Variants in NXPE4 observed in about 807,000 individuals in gnomAD.
The protein encoded by NXPE4 is neurexophilin and PC-esterase domain family member 4.
A neutral mutation model predicts 33.3 loss-of-function variants in NXPE4; 42 were observed. That is an observed-to-expected ratio of 1.26 (90% CI 0.98 to 1.63). The LOEUF is 1.63. Ranked by LOEUF, NXPE4 falls within the 40% of genes most tolerant of loss-of-function variation. The probability of loss-of-function intolerance (pLI) is 0.00; values close to 1 mark genes in which losing one functional copy is unlikely to be tolerated. For synonymous variants in NXPE4, 253 were observed against 234.9 expected, an observed-to-expected ratio of 1.08 and a Z score of -0.71; for missense variants, 709 against 647.6, an observed-to-expected ratio of 1.09 and a Z score of -1.03.
the NXPE4 span, among the ~76,000 whole-genome samples, chr11:114,676,933 A>G: frequency 6.6e-6 from 1 of 152,186 alleles, no homozygotes; most frequent in Non-Finnish European, 1.5e-5. Flanking sequence ...GCTCAGCCTT[A>G]AAAAAGAAGG....
chr11:114,583,360 C>T (rs139848280), intron 2 of NXPE4: 105 of 619,620 alleles, frequency 1.7e-4, no homozygotes, highest in Middle Eastern at 1.4e-3. Context: ...ACTGAATCTG[C>T]GTGACTCATA....
At chr11:114,627,278 G>C in the NXPE4 span, among the ~76,000 whole-genome samples, 1 of 151,938 alleles carries the variant, frequency 6.6e-6, no homozygotes. Context: ...AGAAAGGTCG[G>C]GTTACCCTCA....
chr11:114,588,924 T>G (rs190690774), intron 2 of NXPE4, among the ~76,000 whole-genome samples: 4 of 152,060 alleles, frequency 2.6e-5, no homozygotes, highest in Non-Finnish European at 1.5e-5. Context: ...TAGGGCCAGA[T>G]AGCATTTTGG....
intron 2 of NXPE4, among the ~76,000 whole-genome samples, chr11:114,586,328 T>C (rs764096023): frequency 4.6e-5 from 7 of 152,124 alleles, no homozygotes; most frequent in Non-Finnish European, 5.9e-5. Flanking sequence ...AGATGAAAAA[T>C]GCCATTTCAT....
chr11:114,628,839 T>C, the NXPE4 span, among the ~76,000 whole-genome samples: 2 of 151,600 alleles, frequency 1.3e-5, no homozygotes, highest in African/African-American at 4.9e-5. Flanking sequence ...ATAAAGGGGA[T>C]ATCACCACCG....
At chr11:114,596,369 CAGT>C (rs780366386), upstream of NXPE4, among the ~76,000 whole-genome samples, 1 of 152,220 alleles carries the variant, frequency 6.6e-6, no homozygotes, top group Non-Finnish European at 1.5e-5. Flanking sequence ...CCACAGGAAG[CAGT>C]AGCTGCTGGC....
the NXPE4 span, among the ~76,000 whole-genome samples, chr11:114,610,531 G>A: frequency 4.8e-5 from 7 of 145,628 alleles, no homozygotes; most frequent in South Asian, 4.5e-4. Flanking sequence ...ACTGTTACCC[G>A]GTGGATAATA....
At chr11:114,575,571 A>C (rs1336268466) in intron 5 of NXPE4, among the ~76,000 whole-genome samples, 1 of 152,134 alleles carries the variant, frequency 6.6e-6, no homozygotes, top group African/African-American at 2.4e-5. Flanking sequence ...AATCAAATCA[A>C]GAGCTCAACT....
chr11:114,583,636 G>C (rs777210981), intron 2 of NXPE4: 1 of 590,732 alleles, frequency 1.7e-6, no homozygotes, highest in Non-Finnish European at 3.4e-6. Flanking sequence ...ATGAGCAGCA[G>C]ATGGACACTG....
chr11:114,637,577 G>A, the NXPE4 span, among the ~76,000 whole-genome samples: 1 of 150,380 alleles, frequency 6.6e-6, no homozygotes, highest in African/African-American at 2.4e-5. Context: ...TTTACATTTT[G>A]GCATGATTTT....
At chr11:114,585,627 A>G (rs1302562072) in intron 2 of NXPE4, among the ~76,000 whole-genome samples, 4 of 152,100 alleles carry the variant, frequency 2.6e-5, no homozygotes, top group African/African-American at 7.2e-5. Flanking sequence ...ATGTATATAC[A>G]TTCAACATTT....
Position 114,580,157 on chromosome 11 carries a change from C to A in NXPE4, c.1074G>T (p.Met358Ile). The A allele has an allele frequency of 1.9e-6, 3 of 1,613,880 alleles. No homozygotes were observed. The highest frequency in any genetic ancestry group is 2.5e-6 in the Non-Finnish European group (3 of 1,179,782). ...TGTTGATACTGGCTTTGAAGTATTCCATCCACTGGCGGATCGTGGAATCTC... is the reference window on the plus strand; with the variant it reads ...TGTTGATACTGGCTTTGAAGTATTCAATCCACTGGCGGATCGTGGAATCTC... The part of the protein sequence containing the change: ...LMGDSTIRQW[M>I]EYFKASINTL... Residue 358 changes from methionine to isoleucine, a missense_variant, in exon 5 of 6, where the codon ATG becomes ATT. Coordinates refer to ENST00000375478, the MANE Select transcript of NXPE4 (RefSeq NM_001077639.2).
At chr11:114,630,671 A>G in the NXPE4 span, among the ~76,000 whole-genome samples, 8 of 150,862 alleles carry the variant, frequency 5.3e-5, no homozygotes, top group South Asian at 2.1e-4. Context: ...AAATTGACAA[A>G]TGGGATCTAA....
chr11:114,632,008 C>A, the NXPE4 span, among the ~76,000 whole-genome samples: 5 of 146,422 alleles, frequency 3.4e-5, no homozygotes, highest in Non-Finnish European at 7.5e-5. Context: ...GCTACTATTA[C>A]CTAATAGATA....
At chr11:114,612,204 G>T in the NXPE4 span, among the ~76,000 whole-genome samples, 1 of 152,046 alleles carries the variant, frequency 6.6e-6, no homozygotes, top group Admixed American at 6.6e-5. Flanking sequence ...GTTACACGGT[G>T]GAGAATAAGT....
the NXPE4 span, among the ~76,000 whole-genome samples, chr11:114,601,064 C>T: frequency 1.3e-5 from 2 of 151,844 alleles, no homozygotes; most frequent in African/African-American, 2.4e-5. Context: ...CTATCAATGT[C>T]ACACTGTTGT....
At chr11:114,613,687 C>T in the NXPE4 span, among the ~76,000 whole-genome samples, 1 of 151,898 alleles carries the variant, frequency 6.6e-6, no homozygotes, top group African/African-American at 2.4e-5. Flanking sequence ...TAAGTGTTGC[C>T]TCGTGGGGAG....
chr11:114,583,027 A>G lies in NXPE4; in HGVS notation c.97-6T>C, dbSNP rs1949192947. 1.3e-6 allele frequency: 2 copies of G among 1,598,416 alleles called. No homozygotes were observed. The highest frequency in any genetic ancestry group is 1.7e-6 in the Non-Finnish European group (2 of 1,173,178). On this transcript the variant is annotated splice_polypyrimidine_tract_variant and splice_region_variant and intron_variant, in intron 2 of 5. Coordinates refer to ENST00000375478, the MANE Select transcript of NXPE4 (RefSeq NM_001077639.2). The stretch of plus-strand genomic sequence containing the variant: ...AAGTTTAGAGCAGACCAAACCTGAA[A>G]TGACAGCAAATGTGACATGAGATGG...
the NXPE4 span, among the ~76,000 whole-genome samples, chr11:114,637,393 C>G: frequency 1.3e-5 from 2 of 152,054 alleles, no homozygotes; most frequent in East Asian, 1.9e-4. Context: ...ATACAGCACA[C>G]TAATGGGTCT....
Sources: gnomAD v4.1 joint callset for allele counts (sites outside exome capture counted in the v4.1 genomes callset) on GRCh38, gnomAD v4.1.1 for gene constraint, MANE v1.5 for transcripts, NCBI Gene and HGNC (gene_info 2026-07-23, HGNC 2026-07-21) for gene names.